Variants in WDR70 observed in about 807,000 individuals in gnomAD.
WDR70 encodes WD repeat domain 70.
A neutral mutation model predicts 88.6 loss-of-function variants in WDR70; 53 were observed. That is an observed-to-expected ratio of 0.60 (90% CI 0.48 to 0.75). The LOEUF (loss-of-function observed/expected upper bound fraction) is 0.75, where lower values mean the gene tolerates loss of function less well. Ranked by LOEUF, WDR70 falls within the 30% of genes least tolerant of loss-of-function variation. The pLI is 0.00. For synonymous variants in WDR70, 280 were observed against 270.0 expected (o/e 1.04, Z -0.36); for missense variants, 610 against 823.2 (o/e 0.74, Z 3.17).
chr5:37,607,375 A>G (rs1288305854), intron 10 of WDR70, among the ~76,000 whole-genome samples: 2 of 152,190 alleles, frequency 1.3e-5, no homozygotes, highest in Admixed American at 1.3e-4. Flanking sequence ...TATATGATGG[A>G]TAATGGTTAA....
In WDR70 at chr5:37,670,530, C is replaced by G. The variant is rs369935781; in HGVS notation, c.1093-27125C>G. ...GGGGTGTGCCACATTTTCAGTAACT[C>G]ATTAAATTTTCCCAGCAGCTTATGA... On this transcript the variant is annotated intron_variant, in intron 10 of 17. Transcript: ENST00000265107. 4.6e-5 allele frequency among the ~76,000 whole-genome samples: 7 copies of G among 152,154 alleles called. 1 individual carries two copies. The highest frequency in any genetic ancestry group is 3.9e-4 in the Admixed American group (6 of 15,284).
intron 13 of WDR70, among the ~76,000 whole-genome samples, chr5:37,715,913 AACACACACACACGC>A (rs1561087913): frequency 6.6e-6 from 1 of 151,658 alleles, no homozygotes; most frequent in African/African-American, 2.4e-5. Context: ...TGCACACACA[AACACACACACACGC>A]ACACACACAC....
chr5:37,721,509 T>A, intron 14 of WDR70: 2 of 384,138 alleles, frequency 5.2e-6, no homozygotes, highest in Non-Finnish European at 9.7e-6. Context: ...CATACCACCC[T>A]GGACAGAGGC....
intron 5 of WDR70, among the ~76,000 whole-genome samples, chr5:37,419,297 T>A (rs1749866022): frequency 6.7e-6 from 1 of 149,996 alleles, no homozygotes; most frequent in Non-Finnish European, 1.5e-5. Context: ...ACTTCCGTCC[T>A]GGGGTTCAAG....
chr5:37,707,296 A>C (rs1294835760), intron 13 of WDR70, among the ~76,000 whole-genome samples: 2 of 152,146 alleles, frequency 1.3e-5, no homozygotes, highest in African/African-American at 2.4e-5. Flanking sequence ...TCTGTACCTC[A>C]TTCACTTTTG....
intron 10 of WDR70, among the ~76,000 whole-genome samples, chr5:37,617,962 A>G (rs1284894678): frequency 6.6e-6 from 1 of 152,230 alleles, no homozygotes; most frequent in African/African-American, 2.4e-5. Flanking sequence ...TGAGGAAGCC[A>G]GAAGGAAAAT....
At chr5:37,595,921 T>C (rs546519269) in intron 9 of WDR70, among the ~76,000 whole-genome samples, 1 of 152,306 alleles carries the variant, frequency 6.6e-6, no homozygotes, top group Non-Finnish European at 1.5e-5. Flanking sequence ...CTAATCTATA[T>C]ACAGTGAGGT....
At chr5:37,741,930 G>A (rs1472401010) in intron 17 of WDR70, among the ~76,000 whole-genome samples, 1 of 152,194 alleles carries the variant, frequency 6.6e-6, no homozygotes, top group Non-Finnish European at 1.5e-5. Context: ...ATTACAGCAT[G>A]TTATCAGAAT....
intron 8 of WDR70, among the ~76,000 whole-genome samples, chr5:37,489,948 C>T (rs1052757038): frequency 1.3e-5 from 2 of 152,076 alleles, no homozygotes; most frequent in Non-Finnish European, 1.5e-5. Context: ...CTCCCCCTTC[C>T]CCCCAGTGTC....
At chr5:37,452,902 A>C (rs1485609057) in intron 7 of WDR70, among the ~76,000 whole-genome samples, 1 of 152,186 alleles carries the variant, frequency 6.6e-6, no homozygotes, top group Admixed American at 6.5e-5. Flanking sequence ...TAGAAGTCCA[A>C]GTCTAGGAGT....
chr5:37,589,241 TACACACATACAC>T (rs2112442664), intron 9 of WDR70, among the ~76,000 whole-genome samples: 1 of 70,656 alleles, frequency 1.4e-5, no homozygotes, highest in African/African-American at 5.1e-5. Flanking sequence ...CATATATACC[TACACACATACAC>T]ACACACACAC....
At chr5:37,410,193 GT>G (rs952637754) in intron 5 of WDR70, among the ~76,000 whole-genome samples, 2,862 of 119,440 alleles carry the variant, frequency 0.024, 36 homozygotes, top group African/African-American at 0.082. Context: ...GAGTTTGTTA[GT>G]TTTTTTTTTT....
intron 14 of WDR70, chr5:37,722,619 G>T: frequency 2.0e-6 from 1 of 512,212 alleles, no homozygotes; most frequent in Non-Finnish European, 3.5e-6. Context: ...CTGTTGCCCT[G>T]TTACCTCTCC....
At chr5:37,497,219 C>T (rs574605596) in intron 8 of WDR70, among the ~76,000 whole-genome samples, 5 of 145,458 alleles carry the variant, frequency 3.4e-5, no homozygotes, top group Non-Finnish European at 6.0e-5. Flanking sequence ...CCTCCATCCT[C>T]CTCCGTCCTC....
chr5:37,389,240 A>C (rs1320987089), intron 3 of WDR70, among the ~76,000 whole-genome samples: 1 of 149,740 alleles, frequency 6.7e-6, no homozygotes, highest in African/African-American at 2.5e-5. Context: ...CTACAGGTGC[A>C]CACCGCCACG....
At chr5:37,682,323 T>G (rs537018577) in intron 10 of WDR70, among the ~76,000 whole-genome samples, 1 of 152,312 alleles carries the variant, frequency 6.6e-6, no homozygotes, top group South Asian at 2.1e-4. Flanking sequence ...AGCTCTTTTC[T>G]TCTTTATTAG....
chr5:37,446,368 G>A (rs1430039157), intron 7 of WDR70, among the ~76,000 whole-genome samples: 2 of 152,114 alleles, frequency 1.3e-5, no homozygotes, highest in Admixed American at 6.6e-5. Flanking sequence ...TACTGCCCAA[G>A]GTAATTTATA....
intron 7 of WDR70, among the ~76,000 whole-genome samples, chr5:37,474,861 G>A (rs563097236): frequency 1.3e-5 from 2 of 152,264 alleles, no homozygotes; most frequent in Admixed American, 1.3e-4. Flanking sequence ...TTAGTTTGCT[G>A]AGGATAATGG....
At chr5:37,393,342 A>G (rs909983075) in intron 4 of WDR70, among the ~76,000 whole-genome samples, 4 of 152,030 alleles carry the variant, frequency 2.6e-5, no homozygotes, top group African/African-American at 9.7e-5. Context: ...GCCCAGCGTT[A>G]TTATTCTTTT....
Sources: gnomAD v4.1 joint callset for allele counts (sites outside exome capture counted in the v4.1 genomes callset) on GRCh38, gnomAD v4.1.1 for gene constraint, MANE v1.5 for transcripts, NCBI Gene and HGNC (gene_info 2026-07-23, HGNC 2026-07-21) for gene names.